PTPN14: variants seen among roughly 807,000 people sequenced by gnomAD.
PTPN14 encodes the protein protein tyrosine phosphatase non-receptor type 14.
PTPN14 carries 53 observed loss-of-function variants against 126.8 expected under a neutral mutation model. The observed-to-expected ratio is 0.42, with a 90% CI of 0.34 to 0.53. The LOEUF is 0.53. PTPN14 is among the 20% of genes least tolerant of loss of function. The probability of loss-of-function intolerance (pLI) is 0.08; values close to 1 mark genes in which losing one functional copy is unlikely to be tolerated. For synonymous variants in PTPN14, 630 were observed against 599.3 expected, an observed-to-expected ratio of 1.05 and a Z score of -0.75; for missense variants, 1,257 against 1,552.9, an observed-to-expected ratio of 0.81 and a Z score of 3.20.
chr1:214,409,790 T>C (rs1659259944), intron 5 of PTPN14, among the ~76,000 whole-genome samples: 1 of 152,172 alleles, frequency 6.6e-6, no homozygotes, highest in Non-Finnish European at 1.5e-5. Flanking sequence ...CAGTAAGACT[T>C]TACTCCTCAT....
chr1:214,536,021 A>C (rs564693441), intron 1 of PTPN14, among the ~76,000 whole-genome samples: 1 of 152,348 alleles, frequency 6.6e-6, no homozygotes, highest in Admixed American at 6.5e-5. Flanking sequence ...AAAAAGTATT[A>C]ATGTGAATCA....
At chr1:214,402,714 T>A in intron 6 of PTPN14, among the ~76,000 whole-genome samples, 169 bp downstream of exon 6, 1 of 104,574 alleles carries the variant, frequency 9.6e-6, no homozygotes, top group African/African-American at 3.9e-5. Flanking sequence ...AGTTTTCAAG[T>A]GGACATTCAC....
At chr1:214,403,976 G>A (rs899397420) in intron 5 of PTPN14, among the ~76,000 whole-genome samples, 2 of 152,174 alleles carry the variant, frequency 1.3e-5, no homozygotes, top group Non-Finnish European at 2.9e-5. Flanking sequence ...ACCCTGATGG[G>A]TACCTGAAGC....
At chr1:214,461,011 G>A (rs923814896) in intron 2 of PTPN14, among the ~76,000 whole-genome samples, 4 of 151,880 alleles carry the variant, frequency 2.6e-5, no homozygotes, top group African/African-American at 7.3e-5. Flanking sequence ...TACCACTCAG[G>A]GGGTGATGTT....
chr1:214,433,900 G>A (rs940153409), intron 3 of PTPN14, among the ~76,000 whole-genome samples: 2 of 146,948 alleles, frequency 1.4e-5, no homozygotes, highest in African/African-American at 5.1e-5. Flanking sequence ...ACCAGCCTGG[G>A]CAACATAGTG....
rs5780785 is a variant in PTPN14, at chr1:214,459,149, C to CTTTT, written c.174+5477_174+5480dup. 2.6e-3 allele frequency among the ~76,000 whole-genome samples: 359 copies of CTTTT among 135,796 alleles called. 5 individuals carry two copies. Among genetic ancestry groups the CTTTT allele is most frequent in the Non-Finnish European group, 3.0e-3 (196 of 64,830 alleles). The allele number at this position is 135,796 out of a possible 152,430, so 89.1% of individuals were successfully genotyped here. On this transcript the variant is annotated intron_variant, in intron 2 of 18. Transcript: ENST00000366956. ...CGCCTCCAATCCCCACTCTTTTCTT[C>CTTTT]TTTTTTTTTTTTTTTGAGACAGAGT...
chr1:214,372,166 C>A (rs1658233455), intron 16 of PTPN14: 1 of 156,228 alleles, frequency 6.4e-6, no homozygotes, highest in Non-Finnish European at 1.4e-5. Context: ...CTAGTTACAG[C>A]AGAAAAACTA....
At chr1:214,520,632 G>A (rs12564111) in intron 1 of PTPN14, among the ~76,000 whole-genome samples, 4,550 of 152,170 alleles carry the variant, frequency 0.03, 256 homozygotes, top group East Asian at 0.26. Flanking sequence ...ATCTCTCCAC[G>A]GTAGGAAGAG....
In PTPN14 at chr1:214,357,735, G is replaced by A. The variant is rs1451930380; in HGVS notation, c.*187C>T. The A allele has an allele frequency of 2.1e-6, 1 of 484,402 alleles. No homozygotes were observed. The highest frequency in any genetic ancestry group is 1.9e-5 in the African/African-American group (1 of 51,712). 30.0% of individuals were successfully genotyped at this position (484,402 alleles called of 1,614,324 possible). A position where few individuals can be genotyped will look rare whatever the true frequency, so the allele number is the denominator to read the frequency against. On this transcript the variant is annotated 3_prime_UTR_variant, in exon 19 of 19. Transcript: ENST00000366956. ...AATTCACAAAAGTTATTCCAAAGGG[G>A]AAAAAAATAAATTATCTCATATAAA... is the stretch of plus-strand genomic sequence containing the variant.
intron 1 of PTPN14, among the ~76,000 whole-genome samples, chr1:214,541,658 G>C (rs977499121): frequency 6.6e-6 from 1 of 152,146 alleles, no homozygotes; most frequent in Admixed American, 6.5e-5. Flanking sequence ...TGATTTACCT[G>C]TCCATTTCCT....
chr1:214,530,292 A>T (rs1007195766), intron 1 of PTPN14: 3 of 152,178 alleles, frequency 2.0e-5, no homozygotes, highest in Non-Finnish European at 4.4e-5. Flanking sequence ...ACCCCTAACC[A>T]AAAAGCTCTA....
At chr1:214,393,665 C>A in intron 10 of PTPN14, 30 bp downstream of exon 10, 1 of 1,399,172 alleles carries the variant, frequency 7.1e-7, no homozygotes, top group Non-Finnish European at 9.6e-7. Context: ...ACAAAGCCAT[C>A]AAGTCGGGGG....
chr1:214,537,957 A>T (rs1178202764), intron 1 of PTPN14, among the ~76,000 whole-genome samples: 2 of 152,252 alleles, frequency 1.3e-5, no homozygotes, highest in Non-Finnish European at 2.9e-5. Context: ...TATAATAAAT[A>T]AAAAATTATG....
intron 3 of PTPN14, among the ~76,000 whole-genome samples, chr1:214,447,016 G>A (rs1660159345): frequency 6.6e-6 from 1 of 152,154 alleles, no homozygotes; most frequent in South Asian, 2.1e-4. Flanking sequence ...TTACTCTGCA[G>A]GGCATCACAA....
chr1:214,372,892 C>T (rs768273202), intron 15 of PTPN14, 53 bp from the exon 16 acceptor site: 1 of 1,603,890 alleles, frequency 6.2e-7, no homozygotes, highest in Non-Finnish European at 8.5e-7. Context: ...GACAACATTA[C>T]CTGCTGATCA....
chr1:214,425,487 T>A (rs974413333), intron 3 of PTPN14, among the ~76,000 whole-genome samples: 1 of 152,260 alleles, frequency 6.6e-6, no homozygotes, highest in African/African-American at 2.4e-5. Context: ...TGCATCTATT[T>A]TGCCTCCTTT....
chr1:214,532,260 C>A, intron 1 of PTPN14: 1 of 438,454 alleles, frequency 2.3e-6, no homozygotes, highest in South Asian at 2.2e-5. Flanking sequence ...TCCAGCCGCC[C>A]AGCTGGTCAA....
chr1:214,487,880 G>A (rs1339830822), intron 1 of PTPN14, among the ~76,000 whole-genome samples: 1 of 152,186 alleles, frequency 6.6e-6, no homozygotes, highest in Admixed American at 6.5e-5. Flanking sequence ...AACATAAATA[G>A]CTGCATTTGA....
At chr1:214,520,065 A>AAAAAATATATATATATATATATAT in intron 1 of PTPN14, among the ~76,000 whole-genome samples, 5 of 71,102 alleles carry the variant, frequency 7.0e-5, no homozygotes, top group South Asian at 6.5e-4. Flanking sequence ...AAAAAAAAAA[A>AAAAAATATATATATATATATATAT]ATATATATAT....
Sources: allele counts gnomAD v4.1 joint callset (sites outside exome capture counted in the v4.1 genomes callset), GRCh38; gene constraint gnomAD v4.1.1; transcripts MANE v1.5; gene names NCBI Gene and HGNC (gene_info 2026-07-23, HGNC 2026-07-21).